Variants in SPAG1 observed in about 807,000 individuals in gnomAD.
The protein encoded by SPAG1 is sperm-associated antigen 1.
SPAG1 carries 69 observed loss-of-function variants against 100.5 expected under a neutral mutation model. The observed-to-expected ratio is 0.69, with a 90% CI of 0.57 to 0.84. The LOEUF is 0.84. Among genes scored for constraint, SPAG1 ranks in the 40% least tolerant of loss-of-function variants. The pLI, the probability that SPAG1 is intolerant of heterozygous loss-of-function variation, is 0.00. For synonymous variants in SPAG1, 336 were observed against 411.6 expected (o/e 0.82, Z 2.22); for missense variants, 955 against 1,133.1 (o/e 0.84, Z 2.26).
intron 13 of SPAG1, among the ~76,000 whole-genome samples, chr8:100,222,750 T>C (rs1264874086): frequency 6.6e-6 from 1 of 152,190 alleles, no homozygotes; most frequent in African/African-American, 2.4e-5. Context: ...ACCTTTTGCA[T>C]TATAGTTTTT....
chr8:100,193,418 A>G (rs1054225352), intron 9 of SPAG1, among the ~76,000 whole-genome samples: 7 of 152,142 alleles, frequency 4.6e-5, no homozygotes, highest in Non-Finnish European at 7.4e-5. Flanking sequence ...CTGTGATTGC[A>G]CCACTGTACT....
chr8:100,213,283 C>T lies in SPAG1; in HGVS notation c.1290C>T (p.Gly430=). ...CCTCTGCGGCGGCGGCGGCGGGCGG[C>T]GGCGCCACCGGGCATCCGGGCGGCG... ...RRASAAAAAG[G]GATGHPGGGQ... is the part of the protein sequence containing the mutation. Residue 430 remains glycine (G), a synonymous_variant, in exon 11 of 19, where the codon GGC becomes GGT. Coordinates refer to ENST00000388798, the MANE Select transcript of SPAG1 (RefSeq NM_003114.5). 1 of 1,216,538 alleles carries T rather than the reference C, an allele frequency of 8.2e-7. No homozygotes were observed. Among genetic ancestry groups the T allele is most frequent in the Non-Finnish European group, 1.0e-6 (1 of 980,576 alleles). The allele number at this position is 1,216,538 out of a possible 1,614,324, so 75.4% of individuals were successfully genotyped here. A position where few individuals can be genotyped will look rare whatever the true frequency, so the allele number is the denominator to read the frequency against.
Position 100,213,273 on chromosome 8 carries a change from C to CG in SPAG1, c.1282dup (p.Ala428GlyfsTer54). ...CCACGGCGGGCCTCTGCGGCGGCGG[C>CG]GGCGGGCGGCGGCGCCACCGGGCAT... is the stretch of plus-strand genomic sequence containing the variant. On this transcript the variant is annotated frameshift_variant, in exon 11 of 19. Transcript: ENST00000388798. LOFTEE classifies it high-confidence loss of function. 8.3e-7 allele frequency: 1 copy of CG among 1,212,014 alleles called. No homozygotes were observed. The highest frequency in any genetic ancestry group is 1.0e-6 in the Non-Finnish European group (1 of 977,966). The allele number at this position is 1,212,014 out of a possible 1,614,324, so 75.1% of individuals were successfully genotyped here.
chr8:100,199,091 G>A (rs896827042), intron 10 of SPAG1, among the ~76,000 whole-genome samples: 6 of 152,206 alleles, frequency 3.9e-5, no homozygotes, highest in African/African-American at 1.4e-4. Flanking sequence ...CTCATGTACA[G>A]ATTTTTGTTT....
In SPAG1 at chr8:100,177,799, C is replaced by T. The variant is rs773454320; in HGVS notation, c.301-17C>T. ...AATTATTTCAAACTATATATTTACC[C>T]TTTTCTCTATTCTCAGAGTTGGGTA... On this transcript the variant is annotated splice_polypyrimidine_tract_variant and intron_variant, in intron 3 of 18. Coordinates refer to ENST00000388798, the MANE Select transcript of SPAG1 (RefSeq NM_003114.5). 1 of 1,401,862 alleles carries T rather than the reference C, an allele frequency of 7.1e-7. No homozygotes were observed. The highest frequency in any genetic ancestry group is 1.0e-6 in the Non-Finnish European group (1 of 1,002,284). The allele number at this position is 1,401,862 out of a possible 1,614,324, so 86.8% of individuals were successfully genotyped here.
At chr8:100,198,301 A>T (rs1817120053) in intron 10 of SPAG1, among the ~76,000 whole-genome samples, 1 of 152,210 alleles carries the variant, frequency 6.6e-6, no homozygotes, top group Non-Finnish European at 1.5e-5. Flanking sequence ...AAGGTGAATA[A>T]TTTTGATTAT....
chr8:100,232,197 C>T (rs1366550965), intron 15 of SPAG1, among the ~76,000 whole-genome samples: 2 of 152,090 alleles, frequency 1.3e-5, no homozygotes, highest in African/African-American at 2.4e-5. Context: ...TCTGTAGGAT[C>T]GGGCATTATT....
intron 16 of SPAG1, among the ~76,000 whole-genome samples, chr8:100,237,671 G>A (rs1409919215): frequency 1.3e-5 from 2 of 152,118 alleles, no homozygotes; most frequent in African/African-American, 4.8e-5. Flanking sequence ...AAGTGAATGA[G>A]CCTCGCCCCC....
At position 100,240,489 on chromosome 8, in the gene SPAG1, C is replaced by G. The variant is rs769066352; in HGVS notation, c.2367C>G (p.Ser789Arg). ...CLASEKGGKS[S>R]RSPEDPEKLP... ...CTTCTGAGAAGGGAGGCAAAAGCAG[C>G]AGGTCACCAGAAGACCCTGAGAAAC... The change falls in exon 18 of 19, where the codon AGC becomes AGG. Residue 789 changes from serine to arginine, a missense_variant. Coordinates refer to ENST00000388798, the MANE Select transcript of SPAG1 (RefSeq NM_003114.5). 1 of 1,614,080 alleles carries G rather than the reference C, an allele frequency of 6.2e-7. No individual in the cohort carries two copies.
intron 10 of SPAG1, among the ~76,000 whole-genome samples, chr8:100,207,740 G>A (rs1430865008): frequency 6.6e-6 from 1 of 152,194 alleles, no homozygotes; most frequent in Non-Finnish European, 1.5e-5. Flanking sequence ...TATTCCACAC[G>A]GCATTGCCTT....
At chr8:100,191,235 C>G (rs1816801784) in intron 8 of SPAG1, among the ~76,000 whole-genome samples, 155 bp from the exon 9 acceptor site, 1 of 152,048 alleles carries the variant, frequency 6.6e-6, no homozygotes, top group South Asian at 2.1e-4. Context: ...GTGTCATCTC[C>G]TATGTGTGTA....
Position 100,213,407 on chromosome 8 carries a change from A to G in SPAG1, c.1414A>G (p.Ile472Val), listed in dbSNP as rs373038988. The G allele has an allele frequency of 5.5e-3, 7,834 of 1,436,302 alleles. 62 individuals carry two copies. The highest frequency in any genetic ancestry group is 0.025 in the South Asian group (1,754 of 71,196). 89.0% of individuals were successfully genotyped at this position (1,436,302 alleles called of 1,614,324 possible). A position where few individuals can be genotyped will look rare whatever the true frequency, so the allele number is the denominator to read the frequency against. Reference protein sequence around the residue: ...AEAAGKYSAAIALLEPAGSEI... With the variant: ...AEAAGKYSAAVALLEPAGSEI... ...GGCGGCCGGCAAGTACTCGGCGGCA[A>G]TCGCGCTCCTGGAGCCAGCAGGTAG... The change falls in exon 11 of 19, where the codon ATC (isoleucine) becomes GTC (valine). Residue 472 changes from isoleucine (I) to valine (V), a missense_variant. Transcript: ENST00000388798.
intron 1 of SPAG1, among the ~76,000 whole-genome samples, chr8:100,160,026 C>T (rs567399100): frequency 2.6e-5 from 4 of 152,218 alleles, no homozygotes; most frequent in South Asian, 2.1e-4. Context: ...AAAACCTACC[C>T]GGTACAGTAA....
chr8:100,192,476 A>G, intron 9 of SPAG1, among the ~76,000 whole-genome samples: 1 of 152,188 alleles, frequency 6.6e-6, no homozygotes, highest in East Asian at 1.9e-4. Flanking sequence ...CTGTTTGCCA[A>G]GGTTGTTCTC....
chr8:100,231,999 T>C (rs956574850), intron 15 of SPAG1, among the ~76,000 whole-genome samples: 9 of 151,704 alleles, frequency 5.9e-5, no homozygotes, highest in African/African-American at 2.2e-4. Flanking sequence ...GAGAATGCCC[T>C]TTTCCTTCTG....
At chr8:100,174,709 G>A (rs921443514) in intron 3 of SPAG1, among the ~76,000 whole-genome samples, 7 of 152,120 alleles carry the variant, frequency 4.6e-5, no homozygotes, top group Non-Finnish European at 8.8e-5. Context: ...TTCTGGCATT[G>A]CTTCTTCTAT....
chr8:100,238,455 G>T (rs1045522582), intron 16 of SPAG1, among the ~76,000 whole-genome samples: 1 of 152,112 alleles, frequency 6.6e-6, no homozygotes, highest in Non-Finnish European at 1.5e-5. Flanking sequence ...ACTTGAAGAG[G>T]TTACACATCC....
intron 10 of SPAG1, among the ~76,000 whole-genome samples, chr8:100,200,664 T>C (rs1370993582): frequency 6.6e-6 from 1 of 152,228 alleles, no homozygotes; most frequent in Non-Finnish European, 1.5e-5. Flanking sequence ...TGGTATCTCA[T>C]TGTGGTTTTG....
chr8:100,232,250 C>T (rs189462322), intron 15 of SPAG1, among the ~76,000 whole-genome samples: 4 of 152,106 alleles, frequency 2.6e-5, no homozygotes, highest in East Asian at 1.9e-4. Context: ...CTCTTGGCTG[C>T]GGAGGAGGAG....
Sources: gnomAD v4.1 joint callset for allele counts (sites outside exome capture counted in the v4.1 genomes callset) on GRCh38, gnomAD v4.1.1 for gene constraint, MANE v1.5 for transcripts, NCBI Gene and HGNC (gene_info 2026-07-23, HGNC 2026-07-21) for gene names.